Variants in AGBL1 observed in about 807,000 individuals in gnomAD.
AGBL1 encodes cytosolic carboxypeptidase 4.
Under a neutral mutation model 118.9 loss-of-function variants are expected in AGBL1, and 130 were observed. The ratio of observed to expected loss-of-function variants is 1.09; its 90% CI spans 0.95 to 1.26. The LOEUF is 1.26. Ranked by LOEUF, AGBL1 falls within the 50% of genes most tolerant of loss-of-function variation. The pLI, the probability that AGBL1 is intolerant of heterozygous loss-of-function variation, is 0.00. For synonymous variants in AGBL1, 555 were observed against 478.9 expected, an observed-to-expected ratio of 1.16 and a Z score of -2.08; for missense variants, 1,584 against 1,298.1, an observed-to-expected ratio of 1.22 and a Z score of -3.38.
intron 17 of AGBL1, among the ~76,000 whole-genome samples, chr15:86,308,831 G>T (rs752172907): frequency 2.6e-5 from 4 of 152,142 alleles, no homozygotes; most frequent in African/African-American, 9.7e-5. Context: ...CAGCTTTGTA[G>T]TATATTTTAA....
At chr15:86,528,809 C>T (rs1259343994) in intron 19 of AGBL1, among the ~76,000 whole-genome samples, 11 of 30,700 alleles carry the variant, frequency 3.6e-4, no homozygotes, top group Admixed American at 2.8e-4. Flanking sequence ...CCCTGACCCC[C>T]GAGCAGCCTA....
chr15:86,564,365 G>T (rs919867551), intron 21 of AGBL1, among the ~76,000 whole-genome samples: 10 of 152,094 alleles, frequency 6.6e-5, no homozygotes, highest in African/African-American at 2.4e-4. Context: ...GTCTGTAAAG[G>T]ATTTTATTTC....
intron 21 of AGBL1, among the ~76,000 whole-genome samples, chr15:86,567,407 T>C (rs563671968): frequency 2.6e-5 from 4 of 152,308 alleles, no homozygotes; most frequent in East Asian, 1.9e-4. Context: ...ATCTATGTTT[T>C]AGTTAATTTG....
At chr15:86,624,479 A>G (rs1201779482) in intron 21 of AGBL1, among the ~76,000 whole-genome samples, 2 of 152,200 alleles carry the variant, frequency 1.3e-5, no homozygotes, top group Admixed American at 6.5e-5. Flanking sequence ...GAAGTGTTCA[A>G]TATCGATTCT....
chr15:86,140,056 C>A (rs1351352359), intron 1 of AGBL1: 1 of 189,354 alleles, frequency 5.3e-6, no homozygotes, highest in East Asian at 1.2e-4. Context: ...TGACAGCGCC[C>A]CTGGTGGTCA....
At chr15:86,461,690 C>T (rs1488432041) in intron 18 of AGBL1, among the ~76,000 whole-genome samples, 2 of 152,162 alleles carry the variant, frequency 1.3e-5, no homozygotes, top group African/African-American at 4.8e-5. Flanking sequence ...CGGAAAATAT[C>T]TATAACATAT....
intron 17 of AGBL1, among the ~76,000 whole-genome samples, chr15:86,373,905 A>C (rs919782127): frequency 2.6e-5 from 4 of 152,208 alleles, no homozygotes; most frequent in Non-Finnish European, 4.4e-5. Flanking sequence ...TGTGTGTAAA[A>C]TGCTAAATAC....
At chr15:86,916,646 G>T (rs1028272712), downstream of AGBL1, among the ~76,000 whole-genome samples, 3 of 152,170 alleles carry the variant, frequency 2.0e-5, no homozygotes, top group Non-Finnish European at 4.4e-5. Flanking sequence ...TATGGCTTTG[G>T]GCTGACCCTT....
chr15:86,671,392 C>T (rs1349956488), intron 21 of AGBL1, among the ~76,000 whole-genome samples: 1 of 152,098 alleles, frequency 6.6e-6, no homozygotes, highest in African/African-American at 2.4e-5. Flanking sequence ...AATAAAACCT[C>T]GTTTAAGTCA....
At chr15:86,834,001 C>T (rs1292805871) in intron 22 of AGBL1, among the ~76,000 whole-genome samples, 1 of 152,130 alleles carries the variant, frequency 6.6e-6, no homozygotes, top group African/African-American at 2.4e-5. Flanking sequence ...AGCTACAACT[C>T]TCATAAGCCC....
rs544195800 is a variant in AGBL1, at chr15:86,788,149, G to C, written c.3158+113713G>C. On this transcript the variant is annotated intron_variant, in intron 22 of 22. Coordinates refer to ENST00000614907, the MANE Select transcript of AGBL1 (RefSeq NM_001386094.1). ...AGAAGTTGATGGAGTTTGAGGTAGT[G>C]GCTCTGCACGGTGCCCACTGAGGCC... 3.7e-4 allele frequency among the ~76,000 whole-genome samples: 56 copies of C among 152,300 alleles called. No homozygotes were observed. The South Asian group carries it at 0.011, about 31-fold the overall frequency.
chr15:86,494,710 C>G (rs1367818288), intron 18 of AGBL1, among the ~76,000 whole-genome samples: 4 of 152,022 alleles, frequency 2.6e-5, no homozygotes, highest in African/African-American at 4.8e-5. Context: ...TTAGAACTAT[C>G]CTTGCTTGAA....
At chr15:86,194,940 C>T (rs912915692) in intron 5 of AGBL1, among the ~76,000 whole-genome samples, 1 of 152,206 alleles carries the variant, frequency 6.6e-6, no homozygotes, top group South Asian at 2.1e-4. Flanking sequence ...TACTGTCTGA[C>T]AAGTTCTCTT....
At chr15:86,135,161 T>A (rs1195191844) in intron 1 of AGBL1, among the ~76,000 whole-genome samples, 1 of 152,140 alleles carries the variant, frequency 6.6e-6, no homozygotes, top group Non-Finnish European at 1.5e-5. Flanking sequence ...CTCACTCCTG[T>A]TTCCCACGTG....
chr15:86,883,027 G>A (rs920197638), intron 22 of AGBL1, among the ~76,000 whole-genome samples: 3 of 152,160 alleles, frequency 2.0e-5, no homozygotes, highest in Admixed American at 6.5e-5. Context: ...TTGGTAGTTA[G>A]TATTCTTCAC....
chr15:86,633,971 A>G (rs2085033793), intron 21 of AGBL1, among the ~76,000 whole-genome samples: 2 of 151,520 alleles, frequency 1.3e-5, no homozygotes, highest in Admixed American at 6.6e-5. Flanking sequence ...ATAGGCATGC[A>G]CAATCAAAAG....
chr15:86,725,786 T>G lies in AGBL1; in HGVS notation c.3158+51350T>G, dbSNP rs115588278. Among the ~76,000 whole-genome samples, 927 of 152,342 alleles carry G rather than the reference T, an allele frequency of 6.1e-3. 11 individuals carry two copies. Among genetic ancestry groups the G allele is most frequent in the African/African-American group, 0.021 (879 of 41,580 alleles). ...ATGCATTATATGCATATGTGTGTTA[T>G]CATTCTGGATGAATCAACCCTAAGT... On this transcript the variant is annotated intron_variant, in intron 22 of 22. Coordinates refer to ENST00000614907, the MANE Select transcript of AGBL1 (RefSeq NM_001386094.1).
At chr15:86,297,643 C>T (rs2079666919) in intron 17 of AGBL1, among the ~76,000 whole-genome samples, 1 of 152,142 alleles carries the variant, frequency 6.6e-6, no homozygotes. Flanking sequence ...TAAGGTTTAA[C>T]CTATTTTTCC....
At position 86,177,198 on chromosome 15, in the gene AGBL1, G is replaced by T. The variant is rs10048005; in HGVS notation, c.488+18172G>T. ...CTTTCAGAGCATAGCATATTGCCAG[G>T]TATAAAAAGGTAATTCCGTAATAGT... is the stretch of plus-strand genomic sequence containing the variant. On this transcript the variant is annotated intron_variant, in intron 5 of 22. Coordinates refer to ENST00000614907, the MANE Select transcript of AGBL1 (RefSeq NM_001386094.1). Among the ~76,000 whole-genome samples the T allele has an allele frequency of 4.4e-3, 663 of 152,264 alleles. 4 individuals are homozygous for T. Among genetic ancestry groups the T allele is most frequent in the African/African-American group, 0.015 (635 of 41,550 alleles).
Sources: gnomAD v4.1 joint callset for allele counts (sites outside exome capture counted in the v4.1 genomes callset) on GRCh38, gnomAD v4.1.1 for gene constraint, MANE v1.5 for transcripts, NCBI Gene and HGNC (gene_info 2026-07-23, HGNC 2026-07-21) for gene names.